Variants in AGTR1 observed in about 807,000 individuals in gnomAD.
AGTR1 encodes angiotensin II receptor type 1, also known as type-1 angiotensin II receptor.
In AGTR1, 16 loss-of-function variants were observed where a neutral mutation model predicts 19.4. The ratio of observed to expected loss-of-function variants is 0.82; its 90% CI spans 0.56 to 1.25. AGTR1 has a LOEUF of 1.25. Ranked by LOEUF, AGTR1 falls within the 50% of genes most tolerant of loss-of-function variation. The pLI, the probability that AGTR1 is intolerant of heterozygous loss-of-function variation, is 0.00. For synonymous variants in AGTR1, 153 were observed against 154.9 expected (o/e 0.99, Z 0.09); for missense variants, 373 against 431.9 (o/e 0.86, Z 1.21).
intron 1 of AGTR1, among the ~76,000 whole-genome samples, chr3:148,706,673 T>A (rs532756849): frequency 7.2e-5 from 11 of 152,012 alleles, no homozygotes; most frequent in Non-Finnish European, 1.2e-4. Context: ...AACAACCTAA[T>A]TGAAACATGA....
At chr3:148,705,482 A>G (rs766296180) in intron 1 of AGTR1, among the ~76,000 whole-genome samples, 37 of 152,068 alleles carry the variant, frequency 2.4e-4, no homozygotes, top group Non-Finnish European at 4.3e-4. Flanking sequence ...ACATTTTATC[A>G]TGATGTCTCC....
chr3:148,708,775 G>T (rs868795655), intron 2 of AGTR1, among the ~76,000 whole-genome samples: 1 of 152,076 alleles, frequency 6.6e-6, no homozygotes, highest in Admixed American at 6.6e-5. Context: ...ATTTCCCCAC[G>T]CCCCTCCTTA....
chr3:148,732,131 C>T (rs972156065), intron 2 of AGTR1, among the ~76,000 whole-genome samples: 2 of 152,192 alleles, frequency 1.3e-5, no homozygotes, highest in African/African-American at 2.4e-5. Flanking sequence ...TATCACATTG[C>T]GCCCCCCTCT....
At chr3:148,699,936 T>C (rs551435820) in intron 1 of AGTR1, among the ~76,000 whole-genome samples, 1 of 152,268 alleles carries the variant, frequency 6.6e-6, no homozygotes, top group South Asian at 2.1e-4. Context: ...TTGGTTTTCT[T>C]CCACCGGTTC....
At chr3:148,708,200 C>A (rs116011753) in intron 2 of AGTR1, among the ~76,000 whole-genome samples, 173 bp downstream of exon 2, 143 of 152,220 alleles carry the variant, frequency 9.4e-4, no homozygotes, top group African/African-American at 3.1e-3. Context: ...AGATTAAGAG[C>A]GTTTGTATTT....
intron 2 of AGTR1, among the ~76,000 whole-genome samples, chr3:148,724,298 G>A (rs1713809081): frequency 6.6e-6 from 1 of 151,912 alleles, no homozygotes; most frequent in Non-Finnish European, 1.5e-5. Context: ...TGTGAACCCT[G>A]GAATGCATAA....
rs200844345 is a variant in AGTR1 at position 148,741,597 on chromosome 3, A to T, written c.562A>T (p.Asn188Tyr). 15 of 1,614,104 alleles carry T rather than the reference A, an allele frequency of 9.3e-6. No individual in the cohort carries two copies. In the East Asian group the frequency reaches 3.3e-4, roughly 36 times the overall value. ...TVCAFHYESQNSTLPIGLGLT... is the reference protein window; with the variant it reads ...TVCAFHYESQYSTLPIGLGLT... ...TTGTGCTTTCCATTATGAGTCCCAAAATTCAACCCTCCCGATAGGGCTGGG... is the reference window on the plus strand; with the variant it reads ...TTGTGCTTTCCATTATGAGTCCCAATATTCAACCCTCCCGATAGGGCTGGG... Residue 188 changes from asparagine to tyrosine, a missense_variant, in exon 3 of 3, where the codon AAT (asparagine) becomes TAT (tyrosine). Physicochemically the swap from Asn to Tyr is moderately radical, Grantham distance 143. Transcript: ENST00000349243.
intron 2 of AGTR1, 97 bp from the exon 3 acceptor site, chr3:148,740,892 T>A: frequency 9.0e-7 from 1 of 1,114,194 alleles, no homozygotes. Flanking sequence ...AGACTAAAGT[T>A]GAGTTACTAC....
chr3:148,706,699 G>C (rs1052905288), intron 1 of AGTR1, among the ~76,000 whole-genome samples: 1 of 151,972 alleles, frequency 6.6e-6, no homozygotes, highest in Non-Finnish European at 1.5e-5. Flanking sequence ...AGCCATGGCT[G>C]AGAAAACTCG....
intron 2 of AGTR1, among the ~76,000 whole-genome samples, chr3:148,723,719 G>A (rs1454268030): frequency 6.6e-6 from 1 of 152,220 alleles, no homozygotes; most frequent in African/African-American, 2.4e-5. Flanking sequence ...ATCTCACGAA[G>A]TGCAGACTAT....
intron 2 of AGTR1, among the ~76,000 whole-genome samples, chr3:148,722,351 T>C (rs938063842): frequency 2.6e-5 from 4 of 152,130 alleles, no homozygotes; most frequent in Non-Finnish European, 4.4e-5. Flanking sequence ...AAGACTGAAA[T>C]TGAACTTCTA....
chr3:148,731,193 C>T (rs549127387), intron 2 of AGTR1: 59 of 152,196 alleles, frequency 3.9e-4, no homozygotes, highest in African/African-American at 1.2e-3. Context: ...TTGGACAGCA[C>T]TGAACTAAAG....
At chr3:148,718,850 G>A (rs1414292182) in intron 2 of AGTR1, among the ~76,000 whole-genome samples, 1 of 152,160 alleles carries the variant, frequency 6.6e-6, no homozygotes, top group Non-Finnish European at 1.5e-5. Context: ...AATATATTGA[G>A]ATAAAAACTA....
At chr3:148,717,255 T>A (rs1239522349) in intron 2 of AGTR1, among the ~76,000 whole-genome samples, 2 of 152,184 alleles carry the variant, frequency 1.3e-5, no homozygotes, top group Non-Finnish European at 2.9e-5. Context: ...TGTCAGGCAC[T>A]GTGTCATGCA....
chr3:148,702,202 T>G lies in AGTR1; in HGVS notation c.-132+4075T>G, dbSNP rs12721210. Among the ~76,000 whole-genome samples, 1,362 of 152,046 alleles carry G rather than the reference T, an allele frequency of 9.0e-3. 15 individuals are homozygous for G. The highest frequency in any genetic ancestry group is 0.032 in the African/African-American group (1,315 of 41,504). On this transcript the variant is annotated intron_variant, in intron 1 of 2. Transcript: ENST00000349243. ...ATGTTGGCCAGGCTGGTCTCAAACT[T>G]CTGACCTCAAGTGATCTCCCTGCCT...
In AGTR1 at chr3:148,742,790, G is replaced by T. The variant is rs1313045857; in HGVS notation, c.*675G>T. ...GGTGCTGCACTGGTCCCAAGTAGTAGTGTCTTCCTAGTATATTAGTTTGAT... is the reference window on the plus strand; with the variant it reads ...GGTGCTGCACTGGTCCCAAGTAGTATTGTCTTCCTAGTATATTAGTTTGAT... On this transcript the variant is annotated 3_prime_UTR_variant, in exon 3 of 3. Transcript: ENST00000349243. 2 of 168,542 alleles carry T rather than the reference G, an allele frequency of 1.2e-5. No individual in the cohort carries two copies. Among genetic ancestry groups the T allele is most frequent in the Non-Finnish European group, 2.9e-5 (2 of 69,204 alleles). The allele number at this position is 168,542 out of a possible 1,614,324, so 10.4% of individuals were successfully genotyped here. A position where few individuals can be genotyped will look rare whatever the true frequency, so the allele number is the denominator to read the frequency against.
intron 2 of AGTR1, chr3:148,740,014 T>C (rs2107972574): frequency 1.7e-6 from 2 of 1,204,996 alleles, no homozygotes; most frequent in Non-Finnish European, 1.0e-6. Context: ...GATGGACTGT[T>C]ATCCAGGGCA....
chr3:148,739,942 G>A (rs1470216202), intron 2 of AGTR1: 7 of 1,231,842 alleles, frequency 5.7e-6, no homozygotes, highest in Non-Finnish European at 7.1e-6. Context: ...TCAGAGTGTG[G>A]CTGTACCACA....
At chr3:148,731,140 T>G (rs1171312200) in intron 2 of AGTR1, 2 of 152,230 alleles carry the variant, frequency 1.3e-5, no homozygotes, top group South Asian at 4.1e-4. Flanking sequence ...ATGTTTTTAA[T>G]AGAAAAATTA....
Sources: allele counts gnomAD v4.1 joint callset (sites outside exome capture counted in the v4.1 genomes callset), GRCh38; gene constraint gnomAD v4.1.1; transcripts MANE v1.5; gene names NCBI Gene and HGNC (gene_info 2026-07-23, HGNC 2026-07-21).